SYNJ1: variants seen among roughly 807,000 people sequenced by gnomAD.
The protein encoded by SYNJ1 is synaptojanin 1.
A neutral mutation model predicts 168.2 loss-of-function variants in SYNJ1; 78 were observed. The observed-to-expected ratio is 0.46, with a 90% CI of 0.39 to 0.56. SYNJ1 has a LOEUF of 0.56. Among genes scored for constraint, SYNJ1 ranks in the 20% least tolerant of loss-of-function variants. SYNJ1 has a pLI of 0.00. For synonymous variants in SYNJ1, 539 were observed against 548.6 expected (o/e 0.98, Z 0.24); for missense variants, 1,303 against 1,597.6 (o/e 0.82, Z 3.14).
At chr21:32,687,251 T>TTTACGAG (rs2041867934) in intron 7 of SYNJ1, among the ~76,000 whole-genome samples, 177 bp from the exon 8 acceptor site, 1 of 152,240 alleles carries the variant, frequency 6.6e-6, no homozygotes, top group Non-Finnish European at 1.5e-5. Context: ...AACTCATGAA[T>TTTACGAG]GCAACTTCCT....
At chr21:32,670,422 A>T (rs777817549) in intron 14 of SYNJ1, 50 bp from the exon 15 acceptor site, 1 of 1,406,862 alleles carries the variant, frequency 7.1e-7, no homozygotes, top group South Asian at 1.2e-5. Context: ...TCAGGCAAAT[A>T]GCAACCCCAT....
intron 4 of SYNJ1, among the ~76,000 whole-genome samples, chr21:32,698,358 CAGCT>C (rs1164690336): frequency 1.3e-5 from 2 of 152,134 alleles, no homozygotes; most frequent in African/African-American, 4.8e-5. Flanking sequence ...AGTCTTCTGA[CAGCT>C]AGGGCAAATG....
chr21:32,666,515 T>G lies in SYNJ1; in HGVS notation c.1870A>C (p.Lys624Gln). 1 of 1,614,116 alleles carries G rather than the reference T, an allele frequency of 6.2e-7. No homozygotes were observed. Among genetic ancestry groups the G allele is most frequent in the Non-Finnish European group, 8.5e-7 (1 of 1,179,984 alleles). Residue 624 changes from lysine to glutamine, a missense_variant, in exon 16 of 33, where the codon AAG becomes CAG. This residue lies in a region of SYNJ1 where 920 missense variants were observed against 1,208.8 expected (regional missense o/e 0.76). Coordinates refer to ENST00000674351, the MANE Select transcript of SYNJ1 (RefSeq NM_203446.3). ...TGTTCAGAAGCCAGCAGCACATACT[T>G]GTTGTCTCTGGAGATTGTCTTCTGA... ...ELQKTISRDN[K>Q]YVLLASEQLV...
intron 31 of SYNJ1, among the ~76,000 whole-genome samples, chr21:32,638,132 G>A (rs1039758373): frequency 3.3e-5 from 5 of 152,122 alleles, no homozygotes; most frequent in African/African-American, 9.7e-5. Flanking sequence ...GCAGTGGAGC[G>A]ATCATGGCTC....
At chr21:32,659,095 A>T (rs1038713898) in intron 18 of SYNJ1, among the ~76,000 whole-genome samples, 1 of 138,986 alleles carries the variant, frequency 7.2e-6, no homozygotes, top group Non-Finnish European at 1.6e-5. Context: ...CCTTTTACCT[A>T]AAAAAAAAAA....
intron 6 of SYNJ1, among the ~76,000 whole-genome samples, chr21:32,691,409 T>C (rs2042022461): frequency 6.6e-6 from 1 of 152,238 alleles, no homozygotes. Context: ...ATTCTTCCTG[T>C]ACAACCTGCA....
At chr21:32,667,344 TAAAC>T (rs1345031473) in intron 15 of SYNJ1, among the ~76,000 whole-genome samples, 1 of 152,220 alleles carries the variant, frequency 6.6e-6, no homozygotes, top group African/African-American at 2.4e-5. Context: ...ACATAATCAT[TAAAC>T]AAACCACCAT....
At chr21:32,723,328 TCC>T (rs2043318275) in intron 2 of SYNJ1, among the ~76,000 whole-genome samples, 5 of 152,250 alleles carry the variant, frequency 3.3e-5, no homozygotes, top group Admixed American at 3.3e-4. Context: ...TGATTGCTAA[TCC>T]TCAACACTGT....
intron 23 of SYNJ1, among the ~76,000 whole-genome samples, chr21:32,649,387 G>A (rs1413121817): frequency 6.6e-6 from 1 of 152,142 alleles, no homozygotes; most frequent in Admixed American, 6.5e-5. Context: ...ATAATCTAAG[G>A]TATGCATTTT....
chr21:32,712,263 T>G (rs2042856916), intron 2 of SYNJ1, among the ~76,000 whole-genome samples: 2 of 152,208 alleles, frequency 1.3e-5, no homozygotes, highest in Non-Finnish European at 2.9e-5. Flanking sequence ...CAGACAGCAC[T>G]TTGGTATAGA....
At position 32,665,989 on chromosome 21, in the gene SYNJ1, C is replaced by T. The variant is rs1335404527; in HGVS notation, c.2099G>A (p.Arg700Lys). The T allele has an allele frequency of 6.2e-7, 1 of 1,612,742 alleles. No individual in the cohort carries two copies. The highest frequency in any genetic ancestry group is 1.1e-5 in the South Asian group (1 of 90,750). ...TGCTATTTCTATAAAATCTTCATTTCTTTCTTTGACTTGTGACTGCCCTGC... is the reference window on the plus strand; with the variant it reads ...TGCTATTTCTATAAAATCTTCATTTTTTTCTTTGACTTGTGACTGCCCTGC... ...FAAGQSQVKERNEDFIEIARK... is the reference protein window; with the variant it reads ...FAAGQSQVKEKNEDFIEIARK... The change falls in exon 17 of 33, where the codon AGA (arginine) becomes AAA (lysine). Residue 700 changes from arginine (R) to lysine (K), a missense_variant. Around this residue, in one of 2 missense-constraint regions of SYNJ1, gnomAD observed 920 missense variants for 1,208.8 expected, o/e 0.76. Transcript: ENST00000674351.
At chr21:32,654,279 G>A (rs2040382254) in intron 21 of SYNJ1, among the ~76,000 whole-genome samples, 1 of 152,112 alleles carries the variant, frequency 6.6e-6, no homozygotes, top group African/African-American at 2.4e-5. Context: ...CAAAACAAAA[G>A]TGTGCATAAG....
At chr21:32,697,766 G>A (rs2042262719) in intron 4 of SYNJ1, among the ~76,000 whole-genome samples, 3 of 152,180 alleles carry the variant, frequency 2.0e-5, no homozygotes, top group South Asian at 4.1e-4. Context: ...GCGCCACTGC[G>A]CTCCAGCCTG....
chr21:32,648,741 T>C (rs2833932), intron 23 of SYNJ1, among the ~76,000 whole-genome samples: 44,327 of 152,128 alleles, frequency 0.29, 6,533 homozygotes, highest in Middle Eastern at 0.35. Flanking sequence ...CAAATGCCCA[T>C]GCTTTGCAGG....
Position 32,666,043 on chromosome 21 carries a change from C to T in SYNJ1, c.2045G>A (p.Ser682Asn), listed in dbSNP as rs754395543. 1.2e-6 allele frequency: 2 copies of T among 1,614,116 alleles called. No homozygotes were observed. The highest frequency in any genetic ancestry group is 1.7e-5 in the Admixed American group (1 of 60,020). Residue 682 changes from serine (S) to asparagine (N), a missense_variant, in exon 17 of 33, where the codon AGC becomes AAC. Coordinates refer to ENST00000674351, the MANE Select transcript of SYNJ1 (RefSeq NM_203446.3). ...VAIRMLFHTT[S>N]LCFVCSHFAA... is the part of the protein sequence containing the mutation. Reference sequence around the variant, plus strand: ...AAAGTGGCTACAGACGAAGCAAAGGCTGGTTGTATGGAAGAGCATTCGGAT... The same window carrying T: ...AAAGTGGCTACAGACGAAGCAAAGGTTGGTTGTATGGAAGAGCATTCGGAT...
chr21:32,652,279 C>T (rs1211609488), intron 22 of SYNJ1, among the ~76,000 whole-genome samples: 1 of 151,794 alleles, frequency 6.6e-6, no homozygotes, highest in Non-Finnish European at 1.5e-5. Flanking sequence ...CGGCTCGCTG[C>T]AACCTCTGCC....
intron 2 of SYNJ1, among the ~76,000 whole-genome samples, chr21:32,718,675 A>T (rs902618709): frequency 9.9e-5 from 15 of 152,140 alleles, no homozygotes; most frequent in Middle Eastern, 3.4e-3. Flanking sequence ...AAAAAAAAAC[A>T]AACTACACAC....
At chr21:32,687,155 A>G in intron 7 of SYNJ1, 81 bp from the exon 8 acceptor site, 1 of 677,250 alleles carries the variant, frequency 1.5e-6, no homozygotes, top group Non-Finnish European at 2.3e-6. Context: ...ATTATTAAAT[A>G]TAACTTACAT....
intron 2 of SYNJ1, among the ~76,000 whole-genome samples, chr21:32,721,243 C>T (rs888722424): frequency 6.6e-6 from 1 of 152,108 alleles, no homozygotes; most frequent in Non-Finnish European, 1.5e-5. Flanking sequence ...AAATACTTTT[C>T]AAAACTGAGT....
Sources: allele counts gnomAD v4.1 joint callset (sites outside exome capture counted in the v4.1 genomes callset), GRCh38; gene constraint gnomAD v4.1.1; regional missense constraint gnomAD v4.1.1; transcripts MANE v1.5; gene names NCBI Gene and HGNC (gene_info 2026-07-23, HGNC 2026-07-21).